TTLL5: variants seen among roughly 807,000 people sequenced by gnomAD.
TTLL5 encodes tubulin tyrosine ligase like 5.
In TTLL5, 132 loss-of-function variants were observed where a neutral mutation model predicts 168.4. That is an observed-to-expected ratio of 0.78 (90% confidence interval 0.68 to 0.91). The LOEUF is 0.91. Ranked by LOEUF, TTLL5 falls within the 40% of genes least tolerant of loss-of-function variation. TTLL5 has a pLI of 0.00. For missense variants in TTLL5, 1,545 were observed against 1,581.5 expected (o/e 0.98, Z 0.39); for synonymous variants, 546 against 558.6 (o/e 0.98, Z 0.32).
In TTLL5 at chr14:75,820,122, C is replaced by G; in HGVS notation, c.3287C>G (p.Pro1096Arg). 1 of 1,601,088 alleles carries G rather than the reference C, an allele frequency of 6.2e-7. No homozygotes were observed. Among genetic ancestry groups the G allele is most frequent in the Admixed American group, 1.7e-5 (1 of 57,984 alleles). ...CCGACATGGTCTACACAGTCAGACC[C>G]CCAAGCTCCCGAGAATCACTCCAGC... Reference protein sequence around the residue: ...SGPTWSTQSDPQAPENHSSSP... With the variant: ...SGPTWSTQSDRQAPENHSSSP... The change falls in exon 28 of 32, where the codon CCC (proline) becomes CGC (arginine). Residue 1096 changes from proline to arginine, a missense_variant. Coordinates refer to ENST00000298832, the MANE Select transcript of TTLL5 (RefSeq NM_015072.5).
intron 31 of TTLL5, among the ~76,000 whole-genome samples, chr14:75,917,126 G>C (rs114320902): frequency 6.6e-6 from 1 of 152,200 alleles, no homozygotes; most frequent in East Asian, 1.9e-4. Flanking sequence ...GTCGTGCAGC[G>C]TGAATGCACT....
chr14:75,937,655 A>G (rs1041975890), intron 31 of TTLL5, among the ~76,000 whole-genome samples: 30 of 152,198 alleles, frequency 2.0e-4, no homozygotes, highest in African/African-American at 7.2e-4. Context: ...TTCACTTAGC[A>G]TAGTGTTCTC....
intron 20 of TTLL5, among the ~76,000 whole-genome samples, chr14:75,770,179 G>GAA (rs56876692): frequency 0.5 from 42,455 of 84,718 alleles, 11,779 homozygotes; most frequent in South Asian, 0.56. Context: ...ACTCTGTCTC[G>GAA]AAAAAAAAAA....
intron 27 of TTLL5, among the ~76,000 whole-genome samples, chr14:75,811,161 GTGTGTGTGTGTGTGTGTGTGTGTGTGTA>G (rs1566614268): frequency 7.3e-6 from 1 of 137,038 alleles, no homozygotes; most frequent in East Asian, 2.0e-4. Flanking sequence ...GAAAGAGTGT[GTGTGTGTGTGTGTGTGTGTGTGTGTGTA>G]TGTGTGTGTG....
At chr14:75,783,100 G>A in intron 25 of TTLL5, 47 bp from the exon 26 acceptor site, 1 of 1,503,440 alleles carries the variant, frequency 6.7e-7, no homozygotes, top group Non-Finnish European at 8.9e-7. Context: ...GAGATTGTAT[G>A]TTTGTTTTTC....
At chr14:75,819,897 C>A in intron 27 of TTLL5, 110 bp from the exon 28 acceptor site, 1 of 1,233,926 alleles carries the variant, frequency 8.1e-7, no homozygotes, top group Non-Finnish European at 1.1e-6. Flanking sequence ...ACAGCTTCAG[C>A]TCAGAGGGGT....
intron 12 of TTLL5, among the ~76,000 whole-genome samples, chr14:75,728,680 C>CATT (rs1888342485): frequency 6.6e-6 from 1 of 151,676 alleles, no homozygotes; most frequent in Non-Finnish European, 1.5e-5. Flanking sequence ...ATATTATCAT[C>CATT]ATCATCATCA....
At chr14:75,745,462 T>A (rs768356371) in intron 16 of TTLL5, 28 bp from the exon 17 acceptor site, 5 of 1,608,726 alleles carry the variant, frequency 3.1e-6, no homozygotes, top group Non-Finnish European at 4.3e-6. Context: ...TCAAAATAGG[T>A]ACTCATTTTA....
intron 30 of TTLL5, among the ~76,000 whole-genome samples, chr14:75,892,793 A>G (rs1000583950): frequency 7.2e-5 from 11 of 152,212 alleles, no homozygotes; most frequent in Non-Finnish European, 2.9e-5. Context: ...CAGGAAGGCA[A>G]TGACATACCC....
intron 21 of TTLL5, among the ~76,000 whole-genome samples, chr14:75,775,068 C>T (rs1179298786): frequency 6.0e-5 from 9 of 149,162 alleles, no homozygotes; most frequent in Non-Finnish European, 1.2e-4. Context: ...TCTTTTCTAT[C>T]TCTAAATATG....
At chr14:75,748,093 G>C (rs562844040) in intron 17 of TTLL5, among the ~76,000 whole-genome samples, 1 of 152,288 alleles carries the variant, frequency 6.6e-6, no homozygotes, top group Admixed American at 6.5e-5. Context: ...TGTACTTCGT[G>C]TATTTCCCTC....
At chr14:75,697,717 A>C (rs1885970357) in intron 6 of TTLL5, among the ~76,000 whole-genome samples, 1 of 152,156 alleles carries the variant, frequency 6.6e-6, no homozygotes, top group Non-Finnish European at 1.5e-5. Flanking sequence ...AAGTGTGCAA[A>C]ACTTCAGGAC....
intron 23 of TTLL5, 132 bp from the exon 24 acceptor site, chr14:75,779,443 T>C: frequency 7.9e-7 from 1 of 1,261,668 alleles, no homozygotes; most frequent in East Asian, 2.5e-5. Context: ...TAACCACCTA[T>C]TAATAGGGAA....
At chr14:75,763,367 A>G (rs1384220742) in intron 18 of TTLL5, among the ~76,000 whole-genome samples, 1 of 151,906 alleles carries the variant, frequency 6.6e-6, no homozygotes, top group Non-Finnish European at 1.5e-5. Context: ...TCCCAGTGCC[A>G]GGACCTTCCT....
chr14:75,882,534 C>A, intron 29 of TTLL5, 151 bp from the exon 30 acceptor site: 3 of 647,144 alleles, frequency 4.6e-6, no homozygotes, highest in South Asian at 4.2e-5. Flanking sequence ...TAGAGCTGCA[C>A]TGGCAACATT....
At chr14:75,837,595 T>C (rs935633140) in intron 28 of TTLL5, among the ~76,000 whole-genome samples, 4 of 152,158 alleles carry the variant, frequency 2.6e-5, no homozygotes, top group African/African-American at 9.7e-5. Flanking sequence ...GCAATAACTC[T>C]ACATTCTTCC....
At chr14:75,910,432 C>A (rs945940220) in intron 31 of TTLL5, among the ~76,000 whole-genome samples, 2 of 152,174 alleles carry the variant, frequency 1.3e-5, no homozygotes, top group Non-Finnish European at 2.9e-5. Context: ...GGCAAGTAAC[C>A]AGCATAAGGC....
chr14:75,768,368 G>A (rs184391827), intron 20 of TTLL5, among the ~76,000 whole-genome samples: 1 of 152,328 alleles, frequency 6.6e-6, no homozygotes, highest in East Asian at 1.9e-4. Flanking sequence ...GGCCAACTGA[G>A]TAGGTGGAAG....
intron 28 of TTLL5, among the ~76,000 whole-genome samples, chr14:75,855,150 G>GAAAAA (rs55874311): frequency 2.7e-4 from 35 of 130,418 alleles, no homozygotes; most frequent in African/African-American, 3.4e-4. Context: ...TATGCTAGAA[G>GAAAAA]AAAAAAAAAA....
Sources: gnomAD v4.1 joint callset for allele counts (sites outside exome capture counted in the v4.1 genomes callset) on GRCh38, gnomAD v4.1.1 for gene constraint, MANE v1.5 for transcripts, NCBI Gene and HGNC (gene_info 2026-07-23, HGNC 2026-07-21) for gene names.